The following MCTP1 variants were observed in gnomAD, a reference collection of about 807,000 sequenced individuals.
MCTP1 encodes the protein multiple C2 and transmembrane domain containing 1.
MCTP1 carries 69 observed loss-of-function variants against 120.6 expected under a neutral mutation model. That is an observed-to-expected ratio of 0.57 (90% CI 0.47 to 0.70). The LOEUF (loss-of-function observed/expected upper bound fraction) is 0.70, where lower values mean the gene tolerates loss of function less well. Among genes scored for constraint, MCTP1 ranks in the 30% least tolerant of loss-of-function variants. The pLI, the probability that MCTP1 is intolerant of heterozygous loss-of-function variation, is 0.00. For synonymous variants in MCTP1, 529 were observed against 493.1 expected (o/e 1.07, Z -0.96); for missense variants, 1,203 against 1,248.8 (o/e 0.96, Z 0.55).
intron 19 of MCTP1, among the ~76,000 whole-genome samples, chr5:94,764,513 A>T (rs1246025439): frequency 6.6e-6 from 1 of 152,222 alleles, no homozygotes; most frequent in Non-Finnish European, 1.5e-5. Context: ...AAAGACATAT[A>T]GACTGAAAGT....
At chr5:95,101,692 G>A (rs1756744078) in intron 1 of MCTP1, among the ~76,000 whole-genome samples, 1 of 152,190 alleles carries the variant, frequency 6.6e-6, no homozygotes, top group South Asian at 2.1e-4. Flanking sequence ...CACTGCATTA[G>A]TTAGTGATCC....
intron 19 of MCTP1, among the ~76,000 whole-genome samples, chr5:94,723,525 AT>A (rs1406306328): frequency 6.7e-6 from 1 of 149,842 alleles, no homozygotes; most frequent in Non-Finnish European, 1.5e-5. Flanking sequence ...TTACACTGAG[AT>A]TTTTTTTCCC....
intron 17 of MCTP1, among the ~76,000 whole-genome samples, chr5:94,820,708 A>T (rs1220550375): frequency 6.6e-6 from 1 of 152,224 alleles, no homozygotes; most frequent in Non-Finnish European, 1.5e-5. Context: ...TCAAAAGAGG[A>T]TAACGCTGAA....
rs575400630 is a variant in MCTP1 at position 94,959,082 on chromosome 5, C to T, written c.839-5721G>A. On this transcript the variant is annotated intron_variant, in intron 2 of 22. Transcript: ENST00000515393. ...AAAAGCTTATCCACCACAATCAAGTCGGCTTCATCCCTGGGATGCAAGGCT... is the reference window on the plus strand; with the variant it reads ...AAAAGCTTATCCACCACAATCAAGTTGGCTTCATCCCTGGGATGCAAGGCT... Among the ~76,000 whole-genome samples, 406 of 152,146 alleles carry T rather than the reference C, an allele frequency of 2.7e-3. 1 individual carries two copies. Among genetic ancestry groups the T allele is most frequent in the Non-Finnish European group, 4.8e-3 (324 of 67,976 alleles).
In MCTP1 at chr5:95,072,081, C is replaced by CTGTGTGTGTGTGTGTGTGTGTGTG. The variant is rs56135843; in HGVS notation, c.721-54621_721-54598dup. On this transcript the variant is annotated intron_variant, in intron 1 of 22. Coordinates refer to ENST00000515393, the MANE Select transcript of MCTP1 (RefSeq NM_024717.7). ...CTAATATGAAACAATGCCAATTTTC[C>CTGTGTGTGTGTGTGTGTGTGTGTG]TGTGTGTGTGTGTGTGTGTGTGTGT... Among the ~76,000 whole-genome samples the CTGTGTGTGTGTGTGTGTGTGTGTG allele has an allele frequency of 8.9e-4, 128 of 143,874 alleles. 2 individuals carry two copies. Among genetic ancestry groups the CTGTGTGTGTGTGTGTGTGTGTGTG allele is most frequent in the African/African-American group, 3.0e-3 (118 of 38,774 alleles). The allele number at this position is 143,874 out of a possible 152,430, so 94.4% of individuals were successfully genotyped here. A position where few individuals can be genotyped will look rare whatever the true frequency, so the allele number is the denominator to read the frequency against.
chr5:95,073,333 T>G (rs933995143), intron 1 of MCTP1, among the ~76,000 whole-genome samples: 52 of 152,236 alleles, frequency 3.4e-4, no homozygotes, highest in African/African-American at 1.2e-3. Context: ...TGGCTCAACT[T>G]CTCTTTGCTG....
Position 95,126,074 on chromosome 5 carries a change from T to G in MCTP1, c.721-108590A>C, listed in dbSNP as rs567134059. On this transcript the variant is annotated intron_variant, in intron 1 of 22. Coordinates refer to ENST00000515393, the MANE Select transcript of MCTP1 (RefSeq NM_024717.7). ...ACCTATGCAATAAATTGGTTTTTTG[T>G]TTTGCTTTAAATTTATACTATGTGC... 2.6e-5 allele frequency among the ~76,000 whole-genome samples: 4 copies of G among 152,222 alleles called. No homozygotes were observed. The East Asian group carries it at 7.7e-4, about 29-fold the overall frequency.
intron 3 of MCTP1, among the ~76,000 whole-genome samples, chr5:94,950,455 C>T (rs1820204522): frequency 6.6e-6 from 1 of 152,050 alleles, no homozygotes; most frequent in South Asian, 2.1e-4. Flanking sequence ...ATTAACCAAG[C>T]CTTCTGGCCT....
Position 94,707,442 on chromosome 5 carries a change from CTTT to C in MCTP1, c.*51_*53del. The C allele has an allele frequency of 7.3e-7, 1 of 1,374,264 alleles. No homozygotes were observed. 85.1% of individuals were successfully genotyped at this position (1,374,264 alleles called of 1,614,324 possible). ...AAGGAAATGCTGCTGAGGCTGAGGG[CTTT>C]TTCTTTTATCTTCCCAAACAGATGC... On this transcript the variant is annotated 3_prime_UTR_variant, in exon 23 of 23. Coordinates refer to ENST00000515393, the MANE Select transcript of MCTP1 (RefSeq NM_024717.7).
chr5:94,822,466 G>A (rs142690504), intron 17 of MCTP1, among the ~76,000 whole-genome samples: 154 of 152,230 alleles, frequency 1.0e-3, no homozygotes, highest in Middle Eastern at 6.8e-3. Context: ...ACATTGATGG[G>A]CATTTGGGTT....
intron 1 of MCTP1, among the ~76,000 whole-genome samples, chr5:95,086,031 C>A (rs576834622): frequency 6.6e-6 from 1 of 151,410 alleles, no homozygotes; most frequent in African/African-American, 2.4e-5. Context: ...TTATAATGTC[C>A]TTTGCTGTTT....
rs567054997 is a variant in MCTP1, at chr5:95,119,692, T to C, written c.721-102208A>G. Among the ~76,000 whole-genome samples, 4 of 152,272 alleles carry C rather than the reference T, an allele frequency of 2.6e-5. No homozygotes were observed. In the South Asian group the frequency reaches 8.3e-4, roughly 32 times the overall value. Reference sequence around the variant, plus strand: ...ATCAACAATGAAAAGGGAAACATTGTAACTAATACTGCAGAAATTCAAGAA... The same window carrying C: ...ATCAACAATGAAAAGGGAAACATTGCAACTAATACTGCAGAAATTCAAGAA... On this transcript the variant is annotated intron_variant, in intron 1 of 22. Coordinates refer to ENST00000515393, the MANE Select transcript of MCTP1 (RefSeq NM_024717.7).
intron 17 of MCTP1, among the ~76,000 whole-genome samples, chr5:94,837,620 A>G (rs1277541472): frequency 2.0e-5 from 3 of 152,212 alleles, no homozygotes; most frequent in Admixed American, 6.5e-5. Flanking sequence ...TATAAGCCCA[A>G]CTTAGGTTAA....
chr5:94,789,922 A>G (rs1364213530), intron 18 of MCTP1, among the ~76,000 whole-genome samples: 13 of 152,194 alleles, frequency 8.5e-5, no homozygotes, highest in Non-Finnish European at 1.8e-4. Context: ...TCAGACTAAA[A>G]TATTTTCATT....
chr5:94,969,765 A>T (rs191809374), intron 2 of MCTP1, among the ~76,000 whole-genome samples: 2 of 152,254 alleles, frequency 1.3e-5, no homozygotes, highest in Admixed American at 1.3e-4. Flanking sequence ...CTTGTAGAAT[A>T]AGGTCCTTCA....
At chr5:95,023,508 T>C (rs1838602322) in intron 1 of MCTP1, among the ~76,000 whole-genome samples, 1 of 152,182 alleles carries the variant, frequency 6.6e-6, no homozygotes, top group African/African-American at 2.4e-5. Flanking sequence ...GGGAGGATGG[T>C]GACACCCACG....
At chr5:94,996,420 A>G (rs1184744659) in intron 2 of MCTP1, among the ~76,000 whole-genome samples, 3 of 152,166 alleles carry the variant, frequency 2.0e-5, no homozygotes, top group Admixed American at 6.6e-5. Context: ...ATTTTAGGAT[A>G]CTATAGCCAT....
intron 1 of MCTP1, among the ~76,000 whole-genome samples, chr5:95,129,667 C>CA (rs1758889006): frequency 6.7e-6 from 1 of 148,618 alleles, no homozygotes; most frequent in Non-Finnish European, 1.5e-5. Flanking sequence ...GGCACATTTT[C>CA]TTTTTTTTTT....
chr5:94,839,676 T>C (rs255211), intron 17 of MCTP1, among the ~76,000 whole-genome samples: 135,864 of 152,212 alleles, frequency 0.89, 60,968 homozygotes, highest in African/African-American at 0.98. Flanking sequence ...CTCTCTTCTA[T>C]TGATGATGAA....
Sources: gnomAD v4.1 joint callset for allele counts (sites outside exome capture counted in the v4.1 genomes callset) on GRCh38, gnomAD v4.1.1 for gene constraint, MANE v1.5 for transcripts, NCBI Gene and HGNC (gene_info 2026-07-23, HGNC 2026-07-21) for gene names.